Variants in GRIK4 observed in about 807,000 individuals in gnomAD.
GRIK4 encodes glutamate ionotropic receptor kainate type subunit 4, also known as glutamate receptor ionotropic, kainate 4.
In GRIK4, 40 loss-of-function variants were observed where a neutral mutation model predicts 104.9. The ratio of observed to expected loss-of-function variants is 0.38; its 90% CI spans 0.30 to 0.50. GRIK4 has a LOEUF of 0.50. Ranked by LOEUF, GRIK4 falls within the 20% of genes least tolerant of loss-of-function variation. GRIK4 has a pLI of 0.93. For synonymous variants in GRIK4, 485 were observed against 524.9 expected, an observed-to-expected ratio of 0.92 and a Z score of 1.04; for missense variants, 1,047 against 1,308.1, an observed-to-expected ratio of 0.80 and a Z score of 3.08.
At chr11:120,733,588 A>T (rs201075583) in intron 3 of GRIK4, among the ~76,000 whole-genome samples, 1 of 141,230 alleles carries the variant, frequency 7.1e-6, no homozygotes, top group Non-Finnish European at 1.6e-5. Context: ...ACAAACTAAC[A>T]AGCAAGAAGA....
intron 3 of GRIK4, among the ~76,000 whole-genome samples, chr11:120,712,096 A>T (rs1158977853): frequency 6.6e-6 from 1 of 152,224 alleles, no homozygotes; most frequent in African/African-American, 2.4e-5. Flanking sequence ...TTAAATGGAC[A>T]TGTCAATAAA....
intron 3 of GRIK4, among the ~76,000 whole-genome samples, chr11:120,777,819 C>G (rs944478904): frequency 6.6e-6 from 1 of 152,052 alleles, no homozygotes; most frequent in Admixed American, 6.5e-5. Context: ...CATCTGTAAT[C>G]CCAGCTATTT....
intron 3 of GRIK4, among the ~76,000 whole-genome samples, chr11:120,780,899 G>C (rs948201060): frequency 6.6e-6 from 1 of 151,910 alleles, no homozygotes; most frequent in South Asian, 2.1e-4. Flanking sequence ...CTGCCACCAC[G>C]CCTGGCTAAT....
At chr11:120,861,851 G>A (rs1336866197) in intron 8 of GRIK4, 108 bp from the exon 9 acceptor site, 3 of 819,792 alleles carry the variant, frequency 3.7e-6, no homozygotes, top group East Asian at 4.9e-5. Flanking sequence ...CAGAGTGTCT[G>A]GTGTTCACTG....
intron 2 of GRIK4, among the ~76,000 whole-genome samples, chr11:120,659,662 G>A (rs1432419969): frequency 3.9e-5 from 6 of 152,162 alleles, no homozygotes; most frequent in Non-Finnish European, 5.9e-5. Context: ...GGGAAATGGA[G>A]TAACCCTCCC....
At chr11:120,705,590 C>T (rs535652120) in intron 3 of GRIK4, among the ~76,000 whole-genome samples, 6 of 152,214 alleles carry the variant, frequency 3.9e-5, no homozygotes, top group African/African-American at 7.2e-5. Context: ...ATCTGTAGAT[C>T]GCTTTGGGGA....
chr11:120,794,797 A>T (rs1014320836), intron 3 of GRIK4, among the ~76,000 whole-genome samples: 3 of 152,076 alleles, frequency 2.0e-5, no homozygotes, highest in Admixed American at 6.5e-5. Flanking sequence ...GTGTGGGAGG[A>T]GCTGGCTGAG....
chr11:120,753,315 G>GTGTGTA lies in GRIK4; in HGVS notation c.83-49373_83-49372insATGTGT, dbSNP rs1555055620. Among the ~76,000 whole-genome samples the GTGTGTA allele has an allele frequency of 2.9e-3, 243 of 84,118 alleles. 1 individual carries two copies. The highest frequency in any genetic ancestry group is 9.3e-3 in the African/African-American group (202 of 21,786). The allele number at this position is 84,118 out of a possible 152,430, so 55.2% of individuals were successfully genotyped here. Reference sequence around the variant, plus strand: ...CACAACTCTGTGTGTGTGTGTGTGTGTGTGTGTGTGTGTGTGTGTGTGTGT... The same window carrying GTGTGTA: ...CACAACTCTGTGTGTGTGTGTGTGTGTGTGTATGTGTGTGTGTGTGTGTGTGTGTGT... On this transcript the variant is annotated intron_variant, in intron 3 of 20. Coordinates refer to ENST00000527524, the MANE Select transcript of GRIK4 (RefSeq NM_014619.5).
chr11:120,741,950 A>G (rs757674822), intron 3 of GRIK4, among the ~76,000 whole-genome samples: 1 of 152,228 alleles, frequency 6.6e-6, no homozygotes, highest in African/African-American at 2.4e-5. Context: ...GGGTAGCTGC[A>G]GCAATATGGG....
intron 4 of GRIK4, among the ~76,000 whole-genome samples, chr11:120,814,103 A>G (rs1294217716): frequency 1.3e-5 from 2 of 152,040 alleles, no homozygotes; most frequent in South Asian, 2.1e-4. Flanking sequence ...CTGGGCTCCT[A>G]CTCTCTAGAA....
intron 4 of GRIK4, among the ~76,000 whole-genome samples, chr11:120,810,148 C>T (rs1474851994): frequency 1.3e-5 from 2 of 152,210 alleles, no homozygotes; most frequent in East Asian, 3.8e-4. Context: ...CATACTCAAA[C>T]AAATGCATGC....
intron 8 of GRIK4, among the ~76,000 whole-genome samples, chr11:120,854,266 C>T (rs1954048309): frequency 6.6e-6 from 1 of 152,198 alleles, no homozygotes; most frequent in South Asian, 2.1e-4. Flanking sequence ...GAGGCTGAGG[C>T]TTGGGTGAAA....
intron 13 of GRIK4, among the ~76,000 whole-genome samples, chr11:120,914,663 G>A (rs1362089851): frequency 1.3e-5 from 2 of 152,150 alleles, no homozygotes. Context: ...AGGAGAACAG[G>A]GCTGTAGGCA....
chr11:120,837,670 G>T (rs538548166), intron 8 of GRIK4, among the ~76,000 whole-genome samples: 15 of 148,824 alleles, frequency 1.0e-4, no homozygotes, highest in African/African-American at 3.7e-4. Flanking sequence ...TAAAACAGAT[G>T]AACTTGTTTC....
At chr11:120,980,429 CA>C (rs1944632964) in intron 19 of GRIK4, among the ~76,000 whole-genome samples, 1 of 152,108 alleles carries the variant, frequency 6.6e-6, no homozygotes, top group African/African-American at 2.4e-5. Flanking sequence ...CTCCTTGGTA[CA>C]TTCCCTTTTA....
In GRIK4 at chr11:120,967,449, A is replaced by C; in HGVS notation, c.2395+126A>C. 1.0e-6 allele frequency: 1 copy of C among 1,001,574 alleles called. No homozygotes were observed. The allele number at this position is 1,001,574 out of a possible 1,614,324, so 62.0% of individuals were successfully genotyped here. On this transcript the variant is annotated intron_variant, in intron 19 of 20. Coordinates refer to ENST00000527524, the MANE Select transcript of GRIK4 (RefSeq NM_014619.5). This position sits in a 1 kb window ranked among gnomAD's most constrained non-coding sequence, Gnocchi z 4.2. Reference sequence around the variant, plus strand: ...TTGAGAACGGCCTTGGAAGGAACCTAGGTATAAAGTGGGCTGGCGGGGGAT... The same window carrying C: ...TTGAGAACGGCCTTGGAAGGAACCTCGGTATAAAGTGGGCTGGCGGGGGAT...
Position 120,802,751 on chromosome 11 carries a change from G to C in GRIK4, c.141G>C (p.Leu47=). 6.2e-7 allele frequency: 1 copy of C among 1,614,156 alleles called. No homozygotes were observed. Among genetic ancestry groups the C allele is most frequent in the South Asian group, 1.1e-5 (1 of 91,076 alleles). The change falls in exon 4 of 21, where the codon CTG becomes CTC. Residue 47 remains leucine (L), a synonymous_variant. Transcript: ENST00000527524. ...CSRGERLSIT[L]AKNRINRAPE... Reference sequence around the variant, plus strand: ...GAGGGGAGCGGCTCTCCATCACCCTGGCCAAGAACCGCATCAACCGCGCTC... The same window carrying C: ...GAGGGGAGCGGCTCTCCATCACCCTCGCCAAGAACCGCATCAACCGCGCTC...
intron 3 of GRIK4, among the ~76,000 whole-genome samples, chr11:120,766,167 A>G (rs1951836090): frequency 6.6e-6 from 1 of 152,214 alleles, no homozygotes; most frequent in Non-Finnish European, 1.5e-5. Flanking sequence ...GGAGGAATCT[A>G]GAGAGGCAGT....
intron 11 of GRIK4, among the ~76,000 whole-genome samples, chr11:120,884,426 CA>C (rs1231010088): frequency 6.6e-6 from 1 of 152,230 alleles, no homozygotes; most frequent in Non-Finnish European, 1.5e-5. Flanking sequence ...GCGAGACGCC[CA>C]GGGCCAGGTC....
Sources: allele counts gnomAD v4.1 joint callset (sites outside exome capture counted in the v4.1 genomes callset), GRCh38; gene constraint gnomAD v4.1.1; non-coding constraint Gnocchi (gnomAD v3.1); transcripts MANE v1.5; gene names NCBI Gene and HGNC (gene_info 2026-07-23, HGNC 2026-07-21).